PPP4R4: variants seen among roughly 807,000 people sequenced by gnomAD.
PPP4R4 encodes the protein serine/threonine-protein phosphatase 4 regulatory subunit 4.
Under a neutral mutation model 121.8 loss-of-function variants are expected in PPP4R4, and 70 were observed. That is an observed-to-expected ratio of 0.57 (90% CI 0.47 to 0.70). PPP4R4 has a LOEUF of 0.70. Among genes scored for constraint, PPP4R4 ranks in the 30% least tolerant of loss-of-function variants. The probability of loss-of-function intolerance (pLI) is 0.00; values close to 1 mark genes in which losing one functional copy is unlikely to be tolerated. For synonymous variants in PPP4R4, 348 were observed against 355.7 expected (o/e 0.98, Z 0.24); for missense variants, 875 against 1,033.6 (o/e 0.85, Z 2.10).
intron 2 of PPP4R4, among the ~76,000 whole-genome samples, chr14:94,189,375 C>T (rs562031991): frequency 6.6e-5 from 10 of 152,222 alleles, no homozygotes; most frequent in South Asian, 4.2e-4. Context: ...AATTATTTCA[C>T]GTAGCTTTTA....
chr14:94,277,421 C>T (rs910108612), intron 24 of PPP4R4, among the ~76,000 whole-genome samples: 6 of 152,216 alleles, frequency 3.9e-5, no homozygotes, highest in Non-Finnish European at 5.9e-5. Context: ...CACTGGCCCT[C>T]GCTGTGCATG....
Position 94,256,487 on chromosome 14 carries a change from A to G in PPP4R4, c.1893A>G (p.Lys631=), listed in dbSNP as rs1258662478. The G allele has an allele frequency of 1.9e-6, 3 of 1,601,154 alleles. No homozygotes were observed. The highest frequency in any genetic ancestry group is 1.7e-6 in the Non-Finnish European group (2 of 1,170,612). ...TGAAACTTTGCTACCTGTTGCCCAAAGTGAAATCTACTCTGAAGATTCCTG... is the reference window on the plus strand; with the variant it reads ...TGAAACTTTGCTACCTGTTGCCCAAGGTGAAATCTACTCTGAAGATTCCTG... ...VRMKLCYLLP[K]VKSTLKIPAD... The change falls in exon 17 of 25, where the codon AAA becomes AAG. Residue 631 remains lysine (K), a synonymous_variant. Coordinates refer to ENST00000304338, the MANE Select transcript of PPP4R4 (RefSeq NM_058237.2).
chr14:94,258,911 A>G (rs1893621860), intron 18 of PPP4R4, 87 bp downstream of exon 18: 1 of 1,242,066 alleles, frequency 8.1e-7, no homozygotes, highest in African/African-American at 1.5e-5. Flanking sequence ...TTTACAAAAG[A>G]AAGAGGTTTA....
rs57997995 is a variant in PPP4R4, at chr14:94,257,642, TACAC to T, written c.2010+1069_2010+1072del. On this transcript the variant is annotated intron_variant, in intron 17 of 24. Transcript: ENST00000304338. ...GTAGAGTTGCACATGCATTTAAATCTACACACACACACACACACACACACACACA... is the reference window on the plus strand; with the variant it reads ...GTAGAGTTGCACATGCATTTAAATCTACACACACACACACACACACACACA... 3.8e-3 allele frequency among the ~76,000 whole-genome samples: 561 copies of T among 146,976 alleles called. 4 individuals are homozygous for T. Among genetic ancestry groups the T allele is most frequent in the East Asian group, 0.012 (63 of 5,080 alleles).
chr14:94,272,889 T>G (rs1223418381), intron 23 of PPP4R4, among the ~76,000 whole-genome samples: 2 of 152,190 alleles, frequency 1.3e-5, no homozygotes, highest in East Asian at 3.8e-4. Flanking sequence ...AACAAGCATA[T>G]GCAAAGATGT....
At chr14:94,252,865 A>G (rs1292371320) in intron 16 of PPP4R4, among the ~76,000 whole-genome samples, 2 of 152,216 alleles carry the variant, frequency 1.3e-5, no homozygotes, top group African/African-American at 2.4e-5. Flanking sequence ...AATTTTAGGC[A>G]ATATGTAAAA....
At chr14:94,265,093 G>A (rs1893969245) in intron 20 of PPP4R4, 146 bp downstream of exon 20, 2 of 739,762 alleles carry the variant, frequency 2.7e-6, no homozygotes, top group African/African-American at 1.8e-5. Flanking sequence ...TTGAAAATTG[G>A]CCACTTAATG....
chr14:94,277,040 T>A (rs865900496), intron 24 of PPP4R4, among the ~76,000 whole-genome samples: 6 of 152,200 alleles, frequency 3.9e-5, no homozygotes, highest in Non-Finnish European at 8.8e-5. Flanking sequence ...GGCTCACGCC[T>A]GTAATCCCAG....
intron 3 of PPP4R4, among the ~76,000 whole-genome samples, chr14:94,219,628 GGAT>G (rs1490018566): frequency 6.6e-6 from 1 of 151,950 alleles, no homozygotes; most frequent in Non-Finnish European, 1.5e-5. Flanking sequence ...TATATCAGAA[GGAT>G]AATAATACAT....
intron 3 of PPP4R4, among the ~76,000 whole-genome samples, chr14:94,217,831 G>A (rs11621657): frequency 2.0e-5 from 3 of 151,972 alleles, no homozygotes; most frequent in African/African-American, 7.2e-5. Flanking sequence ...CCCATCTCTA[G>A]TAAAAATACA....
chr14:94,276,041 G>A (rs910444487), intron 24 of PPP4R4, among the ~76,000 whole-genome samples: 1 of 148,614 alleles, frequency 6.7e-6, no homozygotes, highest in Non-Finnish European at 1.5e-5. Context: ...TCCTTTTAAT[G>A]TGCTGTTTGT....
intron 3 of PPP4R4, among the ~76,000 whole-genome samples, chr14:94,210,417 T>C (rs756981345): frequency 1.3e-5 from 2 of 151,834 alleles, no homozygotes; most frequent in African/African-American, 2.4e-5. Flanking sequence ...TTAGAAGATA[T>C]GGTTTTAATA....
chr14:94,249,247 G>A (rs543005164), intron 14 of PPP4R4, among the ~76,000 whole-genome samples: 1 of 151,952 alleles, frequency 6.6e-6, no homozygotes, highest in Non-Finnish European at 1.5e-5. Flanking sequence ...TTCTGCTTAT[G>A]TATATTTTTT....
intron 1 of PPP4R4, 92 bp downstream of exon 1, chr14:94,174,674 C>T (rs1011292131): frequency 2.0e-6 from 3 of 1,509,814 alleles, no homozygotes; most frequent in African/African-American, 2.8e-5. Flanking sequence ...CACCACCCTC[C>T]CCTCCTCCGG....
At chr14:94,221,566 G>A (rs1040171005) in intron 3 of PPP4R4, among the ~76,000 whole-genome samples, 6 of 152,066 alleles carry the variant, frequency 3.9e-5, no homozygotes, top group African/African-American at 1.4e-4. Context: ...AACATTGGCA[G>A]ATGGCCAGTA....
intron 21 of PPP4R4, 141 bp from the exon 22 acceptor site, chr14:94,265,653 C>G: frequency 1.3e-6 from 1 of 785,824 alleles, no homozygotes; most frequent in Non-Finnish European, 2.1e-6. Context: ...GTAAGAGATA[C>G]TTCAGTGAGC....
At chr14:94,231,436 G>A (rs1228217345) in intron 5 of PPP4R4, 121 bp downstream of exon 5, 6 of 696,818 alleles carry the variant, frequency 8.6e-6, no homozygotes, top group East Asian at 5.4e-5. Flanking sequence ...AATGTAACAC[G>A]TGCACATTGG....
intron 23 of PPP4R4, among the ~76,000 whole-genome samples, chr14:94,274,959 A>T (rs1055537302): frequency 7.3e-5 from 11 of 150,418 alleles, no homozygotes; most frequent in Non-Finnish European, 1.5e-4. Context: ...AGAAATAGAA[A>T]GGAAGGAAGT....
At position 94,251,909 on chromosome 14, in the gene PPP4R4, T is replaced by C; in HGVS notation, c.1865+13T>C. ...TAGCAAATGTGAGGTATGTTATCAA[T>C]GAAGGAAAATATTGGAAATTGTATT... is the stretch of plus-strand genomic sequence containing the variant. On this transcript the variant is annotated intron_variant, in intron 16 of 24. Coordinates refer to ENST00000304338, the MANE Select transcript of PPP4R4 (RefSeq NM_058237.2). The C allele has an allele frequency of 6.4e-7, 1 of 1,556,876 alleles. No homozygotes were observed.
Sources: gnomAD v4.1 joint callset for allele counts (sites outside exome capture counted in the v4.1 genomes callset) on GRCh38, gnomAD v4.1.1 for gene constraint, MANE v1.5 for transcripts, NCBI Gene and HGNC (gene_info 2026-07-23, HGNC 2026-07-21) for gene names.